The following MAST2 variants were observed in gnomAD, a reference collection of about 807,000 sequenced individuals.
MAST2 encodes the protein microtubule-associated serine/threonine-protein kinase 2.
A neutral mutation model predicts 147.4 loss-of-function variants in MAST2; 70 were observed. The ratio of observed to expected loss-of-function variants is 0.47; its 90% confidence interval spans 0.39 to 0.58. The LOEUF is 0.58. MAST2 is among the 20% of genes least tolerant of loss of function. The probability of loss-of-function intolerance (pLI) is 0.00; values close to 1 mark genes in which losing one functional copy is unlikely to be tolerated. For missense variants in MAST2, 2,080 were observed against 2,302.3 expected (o/e 0.90, Z 1.98); for synonymous variants, 869 against 896.8 (o/e 0.97, Z 0.55).
intron 5 of MAST2, among the ~76,000 whole-genome samples, chr1:45,979,334 C>T (rs1020547496): frequency 2.6e-5 from 4 of 152,062 alleles, no homozygotes; most frequent in Admixed American, 6.5e-5. Flanking sequence ...TGAATCATCA[C>T]TTACCTTTGA....
At chr1:45,813,496 ATTTTTTTTT>A (rs34566447) in intron 1 of MAST2, among the ~76,000 whole-genome samples, 1 of 134,630 alleles carries the variant, frequency 7.4e-6, no homozygotes, top group Non-Finnish European at 1.6e-5. Context: ...CGCCTGGCCA[ATTTTTTTTT>A]TTTTTTTTTT....
At chr1:45,931,416 C>T (rs143186998) in intron 4 of MAST2, among the ~76,000 whole-genome samples, 5 of 112,914 alleles carry the variant, frequency 4.4e-5, no homozygotes, top group Admixed American at 1.3e-4. Context: ...GAGTCTTGCT[C>T]TGTTGCCCAG....
chr1:46,030,272 G>C, intron 21 of MAST2, 34 bp downstream of exon 21: 1 of 1,598,718 alleles, frequency 6.3e-7, no homozygotes. Flanking sequence ...GGGCAGAACA[G>C]GCTGGAGGAT....
chr1:45,860,764 A>T (rs1437939675), intron 3 of MAST2, among the ~76,000 whole-genome samples: 1 of 151,992 alleles, frequency 6.6e-6, no homozygotes, highest in African/African-American at 2.4e-5. Context: ...CCTGGGAGGC[A>T]GAGGTTGTAG....
At chr1:45,979,443 T>G (rs965394737) in intron 5 of MAST2, among the ~76,000 whole-genome samples, 2 of 151,872 alleles carry the variant, frequency 1.3e-5, no homozygotes, top group Admixed American at 6.6e-5. Context: ...TTTTTTTTTT[T>G]TTTTGGTCCC....
chr1:46,023,618 A>T lies in MAST2; in HGVS notation c.1572-154A>T. On this transcript the variant is annotated intron_variant, in intron 14 of 28. Transcript: ENST00000361297. The surrounding 1 kb of genome is among the most constrained non-coding windows in gnomAD (Gnocchi z 4.9). The stretch of plus-strand genomic sequence containing the variant: ...ATCAAGAAGTTTAAGAGTTCTATGG[A>T]CCAGGGGGTCCCAGACCCTTCTCAC... 3 of 688,520 alleles carry T rather than the reference A, an allele frequency of 4.4e-6. No individual in the cohort carries two copies. Among genetic ancestry groups the T allele is most frequent in the South Asian group, 3.8e-5 (2 of 53,294 alleles). 42.7% of individuals were successfully genotyped at this position (688,520 alleles called of 1,614,324 possible). A position where few individuals can be genotyped will look rare whatever the true frequency, so the allele number is the denominator to read the frequency against.
chr1:45,845,425 T>C (rs1164160494), intron 3 of MAST2, among the ~76,000 whole-genome samples: 3 of 152,224 alleles, frequency 2.0e-5, no homozygotes, highest in Admixed American at 6.5e-5. Flanking sequence ...CAAGACTTAG[T>C]TGATATCCAG....
chr1:45,957,365 A>G (rs1046778043), intron 4 of MAST2, among the ~76,000 whole-genome samples: 1 of 152,220 alleles, frequency 6.6e-6, no homozygotes, highest in African/African-American at 2.4e-5. Context: ...AACAGCATAT[A>G]AGTGGATCCT....
chr1:45,961,310 A>C (rs551316721), intron 5 of MAST2, among the ~76,000 whole-genome samples: 1 of 152,366 alleles, frequency 6.6e-6, no homozygotes, highest in African/African-American at 2.4e-5. Flanking sequence ...AACTCAGCAT[A>C]CATCTATCTG....
chr1:45,962,058 A>T (rs1210256261), intron 5 of MAST2, among the ~76,000 whole-genome samples: 37 of 151,832 alleles, frequency 2.4e-4, no homozygotes, highest in Admixed American at 1.8e-3. Flanking sequence ...GCTGAGAATG[A>T]TGGTTTCCAG....
At chr1:45,833,229 T>C (rs2147844199) in intron 3 of MAST2, among the ~76,000 whole-genome samples, 1 of 152,334 alleles carries the variant, frequency 6.6e-6, no homozygotes, top group Middle Eastern at 3.4e-3. Flanking sequence ...TAATGTTTAT[T>C]GAGAGGATTT....
intron 5 of MAST2, among the ~76,000 whole-genome samples, chr1:45,991,980 C>G (rs1452541218): frequency 6.6e-6 from 1 of 152,152 alleles, no homozygotes; most frequent in Admixed American, 6.6e-5. Context: ...CCCCCCAACT[C>G]AGCCTCCGAA....
intron 1 of MAST2, among the ~76,000 whole-genome samples, chr1:45,821,770 G>A (rs778434321): frequency 6.6e-6 from 1 of 151,196 alleles, no homozygotes; most frequent in African/African-American, 2.4e-5. Context: ...GCCCGCCTTG[G>A]CCTCTCAAAG....
chr1:45,933,491 G>C (rs1371222346), intron 4 of MAST2, among the ~76,000 whole-genome samples: 1 of 151,104 alleles, frequency 6.6e-6, no homozygotes, highest in Non-Finnish European at 1.5e-5. Flanking sequence ...TTTAATCCTA[G>C]CACTTTGGGA....
intron 3 of MAST2, chr1:45,847,414 G>T: frequency 1.8e-6 from 1 of 542,982 alleles, no homozygotes. Context: ...ATCTTTTTTT[G>T]GGGGGGATCA....
intron 4 of MAST2, among the ~76,000 whole-genome samples, chr1:45,917,955 T>G (rs1249799261): frequency 6.6e-6 from 1 of 152,242 alleles, no homozygotes; most frequent in African/African-American, 2.4e-5. Context: ...TCTGTCTTCC[T>G]TTTCTTATAT....
In MAST2 at chr1:45,916,330, AT is replaced by A. The variant is rs768868413; in HGVS notation, c.500+33936del. 3.6e-4 allele frequency among the ~76,000 whole-genome samples: 55 copies of A among 152,362 alleles called. 1 individual carries two copies. Among genetic ancestry groups the A allele is most frequent in the Non-Finnish European group, 5.9e-5 (4 of 68,024 alleles). On this transcript the variant is annotated intron_variant, in intron 4 of 28. Transcript: ENST00000361297. Reference sequence around the variant, plus strand: ...TTGGAAATTAAATAATGGTGTGTGTATAGAAAGCCATGCCAATAAGGTAGCA... The same window carrying A: ...TTGGAAATTAAATAATGGTGTGTGTAAGAAAGCCATGCCAATAAGGTAGCA...
chr1:45,847,964 A>C (rs1389009247), intron 3 of MAST2, among the ~76,000 whole-genome samples: 1 of 152,218 alleles, frequency 6.6e-6, no homozygotes, highest in African/African-American at 2.4e-5. Flanking sequence ...CAATATAATT[A>C]CTAGTGATAG....
intron 4 of MAST2, among the ~76,000 whole-genome samples, chr1:45,921,342 G>T (rs1653444510): frequency 6.6e-6 from 1 of 152,118 alleles, no homozygotes; most frequent in Admixed American, 6.5e-5. Flanking sequence ...ATCCTGGGAG[G>T]TGTTGCTTTT....
Sources: allele counts gnomAD v4.1 joint callset (sites outside exome capture counted in the v4.1 genomes callset), GRCh38; gene constraint gnomAD v4.1.1; non-coding constraint Gnocchi (gnomAD v3.1); transcripts MANE v1.5; gene names NCBI Gene and HGNC (gene_info 2026-07-23, HGNC 2026-07-21).